GGT6: variants seen among roughly 807,000 people sequenced by gnomAD.
GGT6 encodes gamma-glutamyltransferase 6, also known as glutathione hydrolase 6.
A neutral mutation model predicts 17.0 loss-of-function variants in GGT6; 13 were observed. The ratio of observed to expected loss-of-function variants is 0.77; its 90% CI spans 0.50 to 1.22. GGT6 has a LOEUF of 1.22. Among genes scored for constraint, GGT6 ranks in the 50% most tolerant of loss-of-function variants. The pLI, the probability that GGT6 is intolerant of heterozygous loss-of-function variation, is 0.00. For missense variants in GGT6, 628 were observed against 643.7 expected, an observed-to-expected ratio of 0.98 and a Z score of 0.26; for synonymous variants, 305 against 297.9, an observed-to-expected ratio of 1.02 and a Z score of -0.25.
At chr17:4,559,166 G>T in intron 3 of GGT6, 109 bp from the exon 4 acceptor site, 1 of 1,413,282 alleles carries the variant, frequency 7.1e-7, no homozygotes, top group Non-Finnish European at 9.7e-7. Context: ...GACCAGGCCT[G>T]AGGTCAAAGT....
Position 4,558,846 on chromosome 17 carries a change from TGTG to T in GGT6, c.666_668del (p.Asp222_Thr223delinsGlu). 1.3e-5 allele frequency: 20 copies of T among 1,547,276 alleles called. No individual in the cohort carries two copies. Among genetic ancestry groups the T allele is most frequent in the Non-Finnish European group, 1.7e-5 (20 of 1,145,184 alleles). ...GAGCCACCAGAGCCCTTGCCAGGGG[TGTG>T]TCCACCAGGAAGCCCTCCTGAGCCA... On this transcript the variant is annotated inframe_deletion, in exon 4 of 4. Transcript: ENST00000381550.
At chr17:4,559,274 C>A in intron 3 of GGT6, 69 bp downstream of exon 3, 1 of 1,318,244 alleles carries the variant, frequency 7.6e-7, no homozygotes, top group East Asian at 2.5e-5. Context: ...GTGCTACTGA[C>A]TCCCTAAGTT....
chr17:4,560,504 C>T lies in GGT6; in HGVS notation c.18G>A (p.Glu6=), dbSNP rs1414053941. The change falls in exon 1 of 4, where the codon GAG becomes GAA. Residue 6 remains glutamate (E), a synonymous_variant. Coordinates refer to ENST00000381550, the MANE Select transcript of GGT6 (RefSeq NM_001288702.2). ...GCAGCAGCTTCTGATAGACCACGGG[C>T]TCTTCTGCCCGCTCCATGGCCCCCC... MERAE[E]PVVYQKLLPW... is the part of the protein sequence containing the mutation. 2 of 1,611,660 alleles carry T rather than the reference C, an allele frequency of 1.2e-6. No individual in the cohort carries two copies. The highest frequency in any genetic ancestry group is 1.7e-6 in the Non-Finnish European group (2 of 1,180,010).
chr17:4,559,914 G>A (rs1908517046), intron 1 of GGT6, 154 bp from the exon 2 acceptor site: 1 of 659,962 alleles, frequency 1.5e-6, no homozygotes, highest in African/African-American at 1.8e-5. Context: ...GGTGCATCTT[G>A]GGCAGACATG....
In GGT6 at chr17:4,557,935, T is replaced by A; in HGVS notation, c.*80A>T. On this transcript the variant is annotated 3_prime_UTR_variant, in exon 4 of 4. Coordinates refer to ENST00000381550, the MANE Select transcript of GGT6 (RefSeq NM_001288702.2). ...GGCACCACACCCTGCGGGTGCACAC[T>A]CCATTGCTGCTGTGTCTGCTCTGCT... 2 of 951,954 alleles carry A rather than the reference T, an allele frequency of 2.1e-6. No individual in the cohort carries two copies. Among genetic ancestry groups the A allele is most frequent in the Non-Finnish European group, 3.1e-6 (2 of 653,448 alleles). 59.0% of individuals were successfully genotyped at this position (951,954 alleles called of 1,614,324 possible). A position where few individuals can be genotyped will look rare whatever the true frequency, so the allele number is the denominator to read the frequency against.
Position 4,558,383 on chromosome 17 carries a change from A to G in GGT6, c.1132T>C (p.Ser378Pro). The G allele has an allele frequency of 6.2e-7, 1 of 1,605,612 alleles. No homozygotes were observed. Among genetic ancestry groups the G allele is most frequent in the East Asian group, 2.2e-5 (1 of 44,874 alleles). ...GGGGACAGGTGTGCAGAGCCAAAGG[A>G]GCAGTTGAGCGAGGAGGTGAGAAGG... ...VLLLTSSLNC[S>P]FGSAHLSPST... The change falls in exon 4 of 4, where the codon TCC becomes CCC. Residue 378 changes from serine (S) to proline (P), a missense_variant. Physicochemically the swap from Ser to Pro is moderately conservative, Grantham distance 74. Coordinates refer to ENST00000381550, the MANE Select transcript of GGT6 (RefSeq NM_001288702.2).
rs1251627180 is a variant in GGT6, at chr17:4,558,654, G to A, written c.861C>T (p.Asp287=). ...CAGCCGAGGGCACCTCCACCCCCAG[G>A]TCTCCCGCCAGTAGACTCAGTAGAG... ...GDALLSLLAG[D]LGVEVPSAVP... is the part of the protein sequence containing the mutation. Residue 287 remains aspartate (D), a synonymous_variant, in exon 4 of 4, where the codon GAC becomes GAT. Coordinates refer to ENST00000381550, the MANE Select transcript of GGT6 (RefSeq NM_001288702.2). The A allele has an allele frequency of 1.9e-6, 3 of 1,581,026 alleles. No individual in the cohort carries two copies. Among genetic ancestry groups the A allele is most frequent in the Admixed American group, 3.6e-5 (2 of 56,324 alleles).
Position 4,559,439 on chromosome 17 carries a change from C to T in GGT6, c.361G>A (p.Gly121Ser), listed in dbSNP as rs1908465975. ...ISPAATCSHLGRELLVAGGNV... is the reference protein window; with the variant it reads ...ISPAATCSHLSRELLVAGGNV... ...CCCCCGGCAACAAGCAGCTCTCGGC[C>T]TAGGTGGGAGCATGTGGCTGCAGCA... Residue 121 changes from glycine (G) to serine (S), a missense_variant, in exon 3 of 4, where the codon GGC becomes AGC. Physicochemically the swap from Gly to Ser is moderately conservative, Grantham distance 56. Transcript: ENST00000381550. 6.4e-7 allele frequency: 1 copy of T among 1,552,708 alleles called. No individual in the cohort carries two copies. Among genetic ancestry groups the T allele is most frequent in the Admixed American group, 2.0e-5 (1 of 51,064 alleles).
chr17:4,558,208 A>C lies in GGT6; in HGVS notation c.1307T>G (p.Met436Arg). 1 of 1,614,174 alleles carries C rather than the reference A, an allele frequency of 6.2e-7. No individual in the cohort carries two copies. The highest frequency in any genetic ancestry group is 8.5e-7 in the Non-Finnish European group (1 of 1,180,038). ...CAGATGCCTGAGTAGGGTGTGAGTCATGGCCCTGGCCACATCAGGGGTCCC... is the reference window on the plus strand; with the variant it reads ...CAGATGCCTGAGTAGGGTGTGAGTCCTGGCCCTGGCCACATCAGGGGTCCC... ...ASGTPDVARA[M>R]THTLLRHLAA... The change falls in exon 4 of 4, where the codon ATG becomes AGG. Residue 436 changes from methionine to arginine, a missense_variant. Met to Arg is a moderately conservative substitution (Grantham distance 91). Transcript: ENST00000381550.
downstream of GGT6, among the ~76,000 whole-genome samples, chr17:4,556,640 C>T (rs1306984396): frequency 1.3e-5 from 2 of 152,228 alleles, no homozygotes; most frequent in Non-Finnish European, 2.9e-5. Context: ...TGAATTTCCA[C>T]ACGCTCAACT....
chr17:4,558,402 GAGA>G lies in GGT6; in HGVS notation c.1110_1112del (p.Leu371del), dbSNP rs757927631. 6.2e-7 allele frequency: 1 copy of G among 1,605,378 alleles called. No individual in the cohort carries two copies. Among genetic ancestry groups the G allele is most frequent in the Non-Finnish European group, 8.5e-7 (1 of 1,179,996 alleles). On this transcript the variant is annotated inframe_deletion, in exon 4 of 4. Coordinates refer to ENST00000381550, the MANE Select transcript of GGT6 (RefSeq NM_001288702.2). ...CAAAGGAGCAGTTGAGCGAGGAGGT[GAGA>G]AGGAGCACAGAGCCGCTGCTGTCCA...
In GGT6 at chr17:4,558,313, G is replaced by A. The variant is rs758198689; in HGVS notation, c.1202C>T (p.Thr401Ile). The A allele has an allele frequency of 3.7e-6, 6 of 1,612,602 alleles. No homozygotes were observed. Among genetic ancestry groups the A allele is most frequent in the Non-Finnish European group, 5.1e-6 (6 of 1,180,036 alleles). The stretch of plus-strand genomic sequence containing the variant: ...GATGAGGGGGCAGGCCCAGGCACTA[G>A]TGGTAGACTTGGCCACCAGGTTGCT... Reference protein sequence around the residue: ...LLSNLVAKSTTSAWACPLILR... With the variant: ...LLSNLVAKSTISAWACPLILR... Residue 401 changes from threonine to isoleucine, a missense_variant, in exon 4 of 4, where the codon ACT becomes ATT. Transcript: ENST00000381550.
In GGT6 at chr17:4,558,399, G is replaced by A. The variant is rs1359607799; in HGVS notation, c.1116C>T (p.Thr372=). 3 of 1,605,282 alleles carry A rather than the reference G, an allele frequency of 1.9e-6. No individual in the cohort carries two copies. Among genetic ancestry groups the A allele is most frequent in the East Asian group, 2.2e-5 (1 of 44,900 alleles). ...VDSSGSVLLL[T]SSLNCSFGSA... ...AGCCAAAGGAGCAGTTGAGCGAGGA[G>A]GTGAGAAGGAGCACAGAGCCGCTGC... Residue 372 remains threonine (T), a synonymous_variant, in exon 4 of 4, where the codon ACC becomes ACT. Transcript: ENST00000381550.
rs1272148933 is a variant in GGT6 at position 4,558,841 on chromosome 17, A to C, written c.674T>G (p.Leu225Arg). Reference protein sequence around the residue: ...AQEGFLVDTPLARALVARGTE... With the variant: ...AQEGFLVDTPRARALVARGTE... ...GCCCCGAGCCACCAGAGCCCTTGCC[A>C]GGGGTGTGTCCACCAGGAAGCCCTC... The change falls in exon 4 of 4, where the codon CTG becomes CGG. Residue 225 changes from leucine to arginine, a missense_variant. Physicochemically the swap from Leu to Arg is moderately radical, Grantham distance 102. Coordinates refer to ENST00000381550, the MANE Select transcript of GGT6 (RefSeq NM_001288702.2). 1 of 1,547,930 alleles carries C rather than the reference A, an allele frequency of 6.5e-7. No individual in the cohort carries two copies. The highest frequency in any genetic ancestry group is 8.7e-7 in the Non-Finnish European group (1 of 1,145,450).
chr17:4,558,078 G>A lies in GGT6; in HGVS notation c.1437C>T (p.Ala479=), dbSNP rs1436359662. ...CGQGTLLQVA[A]HTEHAHVSSV... ...TGGAGACATGGGCGTGCTCTGTGTG[G>A]GCTGCCACCTGGAGCAGGGTCCCTT... Residue 479 remains alanine (A), a synonymous_variant, in exon 4 of 4, where the codon GCC becomes GCT. Coordinates refer to ENST00000381550, the MANE Select transcript of GGT6 (RefSeq NM_001288702.2). 6.3e-7 allele frequency: 1 copy of A among 1,599,898 alleles called. No individual in the cohort carries two copies. Among genetic ancestry groups the A allele is most frequent in the Non-Finnish European group, 8.5e-7 (1 of 1,172,428 alleles).
intron 1 of GGT6, 64 bp downstream of exon 1, chr17:4,560,318 A>G (rs1297899116): frequency 3.8e-6 from 6 of 1,596,506 alleles, no homozygotes; most frequent in Admixed American, 3.3e-5. Flanking sequence ...GAGGGGCTCC[A>G]GAGAGAGGGA....
Position 4,558,511 on chromosome 17 carries a change from C to A in GGT6, c.1004G>T (p.Arg335Leu). ...ELLALLEAALRSGAPIPDPCP... is the reference protein window; with the variant it reads ...ELLALLEAALLSGAPIPDPCP... ...GGGGTCAGGGATGGGCGCCCCGGAG[C>A]GCAGGGCTGCCTCCAACAGTGCCAG... is the stretch of plus-strand genomic sequence containing the variant. The change falls in exon 4 of 4, where the codon CGC (arginine) becomes CTC (leucine). Residue 335 changes from arginine to leucine, a missense_variant. By Grantham distance (102) the Arg-to-Leu change is moderately radical. Coordinates refer to ENST00000381550, the MANE Select transcript of GGT6 (RefSeq NM_001288702.2). 6.3e-7 allele frequency: 1 copy of A among 1,595,862 alleles called. No homozygotes were observed.
chr17:4,556,350 G>T (rs1908110812), downstream of GGT6, among the ~76,000 whole-genome samples: 2 of 152,160 alleles, frequency 1.3e-5, no homozygotes, highest in Non-Finnish European at 1.5e-5. Flanking sequence ...GGTGGGTGAT[G>T]GAGTTAGATG....
chr17:4,558,478 G>T lies in GGT6; in HGVS notation c.1037C>A (p.Pro346Gln), dbSNP rs763602437. The change falls in exon 4 of 4, where the codon CCG becomes CAG. Residue 346 changes from proline to glutamine, a missense_variant. By Grantham distance (76) the Pro-to-Gln change is moderately conservative. Coordinates refer to ENST00000381550, the MANE Select transcript of GGT6 (RefSeq NM_001288702.2). Reference sequence around the variant, plus strand: ...GGGGCTCACAGCAGTCTGCAGGAACGGTGGGCAGGGGTCAGGGATGGGCGC... The same window carrying T: ...GGGGCTCACAGCAGTCTGCAGGAACTGTGGGCAGGGGTCAGGGATGGGCGC... ...SGAPIPDPCP[P>Q]FLQTAVSPES... is the part of the protein sequence containing the mutation. 4.4e-6 allele frequency: 7 copies of T among 1,607,746 alleles called. No individual in the cohort carries two copies. In the Admixed American group the frequency reaches 1.0e-4, roughly 23 times the overall value.
Sources: gnomAD v4.1 joint callset for allele counts (sites outside exome capture counted in the v4.1 genomes callset) on GRCh38, gnomAD v4.1.1 for gene constraint, MANE v1.5 for transcripts, NCBI Gene and HGNC (gene_info 2026-07-23, HGNC 2026-07-21) for gene names.